FBXO3: variants seen among roughly 807,000 people sequenced by gnomAD.
The protein encoded by FBXO3 is F-box protein 3, also known as F-box only protein 3.
In FBXO3, 17 loss-of-function variants were observed where a neutral mutation model predicts 64.8. That is an observed-to-expected ratio of 0.26 (90% CI 0.18 to 0.39). The LOEUF (loss-of-function observed/expected upper bound fraction) is 0.39, where lower values mean the gene tolerates loss of function less well. Among genes scored for constraint, FBXO3 ranks in the 10% least tolerant of loss-of-function variants. The pLI is 1.00. For synonymous variants in FBXO3, 182 were observed against 201.6 expected (o/e 0.90, Z 0.82); for missense variants, 420 against 589.9 (o/e 0.71, Z 2.98).
rs1199282212 is a variant in FBXO3 at position 33,774,485 on chromosome 11, C to T, written c.13G>A (p.Glu5Lys). ...AGGGTCAGCGGCGCCGTCTCGGTCT[C>T]CATGGCCGCCATCTTGCCTGGCCCG... MAAM[E>K]TETAPLTLES... Residue 5 changes from glutamate to lysine, a missense_variant, in exon 1 of 11, where the codon GAG becomes AAG. Around this residue, in one of 3 missense-constraint regions of FBXO3, gnomAD observed 26 missense variants for 16.1 expected, o/e 1.62. Coordinates refer to ENST00000265651, the MANE Select transcript of FBXO3 (RefSeq NM_012175.4). The T allele has an allele frequency of 6.4e-7, 1 of 1,568,612 alleles. No individual in the cohort carries two copies. Among genetic ancestry groups the T allele is most frequent in the Non-Finnish European group, 8.6e-7 (1 of 1,158,456 alleles).
Position 33,758,565 on chromosome 11 carries a change from G to T in FBXO3, c.395C>A (p.Ala132Glu). The T allele has an allele frequency of 6.2e-7, 1 of 1,608,940 alleles. No homozygotes were observed. Among genetic ancestry groups the T allele is most frequent in the Non-Finnish European group, 8.5e-7 (1 of 1,176,304 alleles). Residue 132 changes from alanine to glutamate, a missense_variant, in exon 4 of 11, where the codon GCG (alanine) becomes GAG (glutamate). Around this residue, in one of 3 missense-constraint regions of FBXO3, gnomAD observed 337 missense variants for 518.4 expected, o/e 0.65. Coordinates refer to ENST00000265651, the MANE Select transcript of FBXO3 (RefSeq NM_012175.4). ...GTCAGGAAGCTTGCAGCCAATCTGC[G>T]CTTCCACAGCATCGAGGTCTTCCTC... is the stretch of plus-strand genomic sequence containing the variant. ...AREEDLDAVEAQIGCKLPDDY... is the reference protein window; with the variant it reads ...AREEDLDAVEEQIGCKLPDDY...
chr11:33,741,955 C>G lies in FBXO3; in HGVS notation c.1369G>C (p.Val457Leu). ...EDDEEERRRR[V>L]FDVPIRRRRC... ...CGTCTGCGAATGGGAACATCAAAGA[C>G]TCTCCTCCGTCTCTCCTCTTCATCA... is the stretch of plus-strand genomic sequence containing the variant. The change falls in exon 11 of 11, where the codon GTC (valine) becomes CTC (leucine). Residue 457 changes from valine (V) to leucine (L), a missense_variant. By Grantham distance (32) the Val-to-Leu change is conservative. Around this residue, in one of 3 missense-constraint regions of FBXO3, gnomAD observed 57 missense variants for 55.4 expected, o/e 1.03. Transcript: ENST00000265651. 1 of 1,613,836 alleles carries G rather than the reference C, an allele frequency of 6.2e-7. No individual in the cohort carries two copies. Among genetic ancestry groups the G allele is most frequent in the Non-Finnish European group, 8.5e-7 (1 of 1,179,860 alleles).
At chr11:33,749,976 C>T (rs1254315096) in intron 8 of FBXO3, among the ~76,000 whole-genome samples, 1 of 151,580 alleles carries the variant, frequency 6.6e-6, no homozygotes, top group African/African-American at 2.4e-5. Flanking sequence ...TTATATATTA[C>T]ATAAAATATA....
At chr11:33,747,678 A>C (rs973774308) in intron 9 of FBXO3, among the ~76,000 whole-genome samples, 3 of 151,938 alleles carry the variant, frequency 2.0e-5, no homozygotes, top group Non-Finnish European at 2.9e-5. Flanking sequence ...TGCCCAGCTC[A>C]TTTTTGTATT....
intron 3 of FBXO3, among the ~76,000 whole-genome samples, chr11:33,767,240 A>G (rs150729638): frequency 3.0e-3 from 453 of 152,292 alleles, no homozygotes; most frequent in Non-Finnish European, 5.5e-3. Flanking sequence ...AGTCTGCTCT[A>G]TATCCAAATC....
At position 33,766,021 on chromosome 11, in the gene FBXO3, C is replaced by T. The variant is rs571137977; in HGVS notation, c.358+2830G>A. On this transcript the variant is annotated intron_variant, in intron 3 of 10. Coordinates refer to ENST00000265651, the MANE Select transcript of FBXO3 (RefSeq NM_012175.4). ...AGCAATGCAAGAATGGACTGATACA[C>T]ACTGACTGCATGATTTCTAGCAAGC... Among the ~76,000 whole-genome samples the T allele has an allele frequency of 3.7e-4, 56 of 152,310 alleles. 1 individual carries two copies. The South Asian group carries it at 0.012, about 32-fold the overall frequency.
chr11:33,742,145 T>G lies in FBXO3; in HGVS notation c.1240-61A>C, dbSNP rs952418565. Reference sequence around the variant, plus strand: ...ATCTATCAGTTTTTTAGTTATTTCATGTAAATTCTCATTTATCTAGAATTC... The same window carrying G: ...ATCTATCAGTTTTTTAGTTATTTCAGGTAAATTCTCATTTATCTAGAATTC... On this transcript the variant is annotated intron_variant, in intron 10 of 10. Coordinates refer to ENST00000265651, the MANE Select transcript of FBXO3 (RefSeq NM_012175.4). 41 of 1,409,992 alleles carry G rather than the reference T, an allele frequency of 2.9e-5. No individual in the cohort carries two copies. In the East Asian group the frequency reaches 1.0e-3, roughly 36 times the overall value. 87.3% of individuals were successfully genotyped at this position (1,409,992 alleles called of 1,614,324 possible).
At chr11:33,744,722 C>T (rs1028590607) in intron 10 of FBXO3, 6 of 151,764 alleles carry the variant, frequency 4.0e-5, no homozygotes, top group South Asian at 2.1e-4. Context: ...TAGAAGGAAA[C>T]GAAAACTAAT....
At chr11:33,747,345 A>T in intron 9 of FBXO3, 25 bp from the exon 10 acceptor site, 1 of 1,562,024 alleles carries the variant, frequency 6.4e-7, no homozygotes. Context: ...GTAACAATAA[A>T]CCAAAGTATA....
At chr11:33,751,246 AT>A (rs1854949626) in intron 7 of FBXO3, among the ~76,000 whole-genome samples, 1 of 152,230 alleles carries the variant, frequency 6.6e-6, no homozygotes, top group South Asian at 2.1e-4. Context: ...TTTTTCAAAA[AT>A]AAATTATATA....
rs752236488 is a variant in FBXO3, at chr11:33,747,095, C to T, written c.1239+35G>A. 3 of 1,606,810 alleles carry T rather than the reference C, an allele frequency of 1.9e-6. No homozygotes were observed. The East Asian group carries it at 6.7e-5, about 36-fold the overall frequency. ...ATCTGCAGTGTTAACCCTACAAAGT[C>T]ATGTAAATCAGCACTAGAGGAAAAT... On this transcript the variant is annotated intron_variant, in intron 10 of 10. Coordinates refer to ENST00000265651, the MANE Select transcript of FBXO3 (RefSeq NM_012175.4).
chr11:33,741,973 C>G lies in FBXO3; in HGVS notation c.1351G>C (p.Glu451Gln), dbSNP rs747858868. The G allele has an allele frequency of 5.6e-6, 9 of 1,613,842 alleles. No homozygotes were observed. Among genetic ancestry groups the G allele is most frequent in the Non-Finnish European group, 6.8e-6 (8 of 1,179,766 alleles). ...DMDESDEDDEEERRRRVFDVP... is the reference protein window; with the variant it reads ...DMDESDEDDEQERRRRVFDVP... ...TCAAAGACTCTCCTCCGTCTCTCCT[C>G]TTCATCATCTTCATCTGATTCATCC... The change falls in exon 11 of 11, where the codon GAG becomes CAG. Residue 451 changes from glutamate to glutamine, a missense_variant. Transcript: ENST00000265651.
intron 5 of FBXO3, 29 bp downstream of exon 5, chr11:33,755,742 T>A (rs375650132): frequency 6.5e-7 from 1 of 1,529,882 alleles, no homozygotes; most frequent in East Asian, 2.2e-5. Context: ...CACATCTTAA[T>A]GCCATATTTA....
intron 3 of FBXO3, among the ~76,000 whole-genome samples, chr11:33,766,889 AC>A (rs1412520013): frequency 1.3e-5 from 2 of 151,950 alleles, no homozygotes; most frequent in Non-Finnish European, 2.9e-5. Flanking sequence ...GAGAACTGGC[AC>A]TGTGGAGTAA....
intron 3 of FBXO3, among the ~76,000 whole-genome samples, chr11:33,764,276 G>T (rs1855313717): frequency 6.6e-6 from 1 of 152,072 alleles, no homozygotes; most frequent in South Asian, 2.1e-4. Flanking sequence ...CTTACATAAA[G>T]TTCAAAAAAG....
At chr11:33,771,691 T>C (rs1457328764) in intron 1 of FBXO3, 2 of 152,238 alleles carry the variant, frequency 1.3e-5, no homozygotes, top group Admixed American at 6.5e-5. Context: ...AAACCATCTA[T>C]AGTAAACAAA....
intron 6 of FBXO3, 100 bp downstream of exon 6, chr11:33,754,355 G>A: frequency 1.1e-6 from 1 of 894,856 alleles, no homozygotes; most frequent in Non-Finnish European, 1.7e-6. Flanking sequence ...GTATGAAATT[G>A]CCAGCTGCTA....
intron 10 of FBXO3, chr11:33,746,579 T>G (rs1854817436): frequency 1.5e-6 from 1 of 677,552 alleles, no homozygotes; most frequent in African/African-American, 1.8e-5. Flanking sequence ...ATTGTATAAC[T>G]GGAGCTTCAT....
At chr11:33,744,375 G>A (rs1226145477) in intron 10 of FBXO3, 1 of 152,068 alleles carries the variant, frequency 6.6e-6, no homozygotes, top group Non-Finnish European at 1.5e-5. Context: ...TGTGCAGCTG[G>A]AGCCTCTAAA....
Sources: gnomAD v4.1 joint callset for allele counts (sites outside exome capture counted in the v4.1 genomes callset) on GRCh38, gnomAD v4.1.1 for gene constraint, gnomAD v4.1.1 regional missense constraint, MANE v1.5 for transcripts, NCBI Gene and HGNC (gene_info 2026-07-23, HGNC 2026-07-21) for gene names.